CDK8: variants seen among roughly 807,000 people sequenced by gnomAD.
CDK8 encodes cyclin dependent kinase 8.
CDK8 carries 29 observed loss-of-function variants against 71.5 expected under a neutral mutation model. The ratio of observed to expected loss-of-function variants is 0.41; its 90% confidence interval spans 0.30 to 0.55. CDK8 has a LOEUF of 0.55. CDK8 is among the 20% of genes least tolerant of loss of function. The pLI is 0.37. For missense variants in CDK8, 288 were observed against 572.6 expected, an observed-to-expected ratio of 0.50 and a Z score of 5.07; for synonymous variants, 161 against 192.1, an observed-to-expected ratio of 0.84 and a Z score of 1.34.
intron 1 of CDK8, among the ~76,000 whole-genome samples, chr13:26,306,667 C>T (rs534109585): frequency 6.3e-5 from 9 of 143,118 alleles, no homozygotes; most frequent in African/African-American, 2.1e-4. Flanking sequence ...CTCATTCTGT[C>T]GCCCAGGCTG....
chr13:26,283,066 A>G (rs1212314671), intron 1 of CDK8, among the ~76,000 whole-genome samples: 1 of 152,220 alleles, frequency 6.6e-6, no homozygotes, highest in African/African-American at 2.4e-5. Flanking sequence ...AACAATTACT[A>G]CTAGACTTAA....
At chr13:26,397,035 G>A (rs1398152146) in intron 8 of CDK8, 118 bp from the exon 9 acceptor site, 1 of 661,600 alleles carries the variant, frequency 1.5e-6, no homozygotes, top group Non-Finnish European at 2.7e-6. Context: ...TGCTCATAGT[G>A]TTTTCAATAT....
chr13:26,275,277 A>G (rs1872519954), intron 1 of CDK8, among the ~76,000 whole-genome samples: 1 of 152,216 alleles, frequency 6.6e-6, no homozygotes, highest in Non-Finnish European at 1.5e-5. Context: ...ATTCCAGGTA[A>G]GCTCTAAAAT....
At chr13:26,276,147 A>G (rs745569600) in intron 1 of CDK8, among the ~76,000 whole-genome samples, 2 of 152,274 alleles carry the variant, frequency 1.3e-5, no homozygotes, top group African/African-American at 2.4e-5. Context: ...AGGCGTGAGT[A>G]ACCGGCTGTA....
At chr13:26,320,756 A>G (rs1204620358) in intron 1 of CDK8, among the ~76,000 whole-genome samples, 2 of 152,238 alleles carry the variant, frequency 1.3e-5, no homozygotes, top group East Asian at 3.8e-4. Context: ...ACAAATGGCT[A>G]AGAAGTACAT....
chr13:26,301,815 C>T (rs1373766889), intron 1 of CDK8, among the ~76,000 whole-genome samples: 3 of 152,134 alleles, frequency 2.0e-5, no homozygotes, highest in Admixed American at 6.5e-5. Context: ...AGACTCCTTG[C>T]TCTGGAAATT....
At chr13:26,333,678 G>A (rs1195941856) in intron 1 of CDK8, among the ~76,000 whole-genome samples, 1 of 152,120 alleles carries the variant, frequency 6.6e-6, no homozygotes, top group Admixed American at 6.5e-5. Flanking sequence ...TGTATATGGT[G>A]TATATGAAAC....
At chr13:26,308,367 T>C (rs1364513857) in intron 1 of CDK8, among the ~76,000 whole-genome samples, 1 of 152,206 alleles carries the variant, frequency 6.6e-6, no homozygotes, top group Non-Finnish European at 1.5e-5. Flanking sequence ...CACATGTGCA[T>C]CTTTGACCCT....
intron 1 of CDK8, among the ~76,000 whole-genome samples, chr13:26,264,820 C>G (rs1203769335): frequency 1.3e-5 from 2 of 152,172 alleles, no homozygotes; most frequent in Admixed American, 1.3e-4. Context: ...TGAATGAGAA[C>G]ATATGATATT....
chr13:26,393,229 G>T (rs1385473169), intron 6 of CDK8, 138 bp from the exon 7 acceptor site: 4 of 577,628 alleles, frequency 6.9e-6, no homozygotes, highest in Non-Finnish European at 1.2e-5. Flanking sequence ...TGAGTTATTA[G>T]GGAAAGAAAG....
At chr13:26,390,369 A>G (rs74042647) in intron 6 of CDK8, among the ~76,000 whole-genome samples, 1 of 152,158 alleles carries the variant, frequency 6.6e-6, no homozygotes, top group Non-Finnish European at 1.5e-5. Flanking sequence ...CATATGCCCC[A>G]TCTACTACAA....
chr13:26,296,317 A>G (rs931853883), intron 1 of CDK8, among the ~76,000 whole-genome samples: 13 of 152,192 alleles, frequency 8.5e-5, no homozygotes, highest in African/African-American at 2.2e-4. Context: ...TGGTTTCACA[A>G]ACCTTTTGGA....
chr13:26,387,157 T>A (rs1183506216), intron 6 of CDK8, among the ~76,000 whole-genome samples: 1 of 152,224 alleles, frequency 6.6e-6, no homozygotes, highest in East Asian at 1.9e-4. Context: ...GTATCTTGTA[T>A]TTTTTAATAG....
intron 1 of CDK8, among the ~76,000 whole-genome samples, chr13:26,299,951 T>C (rs1873749447): frequency 6.6e-6 from 1 of 152,174 alleles, no homozygotes; most frequent in Admixed American, 6.5e-5. Flanking sequence ...TAAAAACTAT[T>C]CTTAGCTCAT....
chr13:26,329,936 T>C (rs1269239630), intron 1 of CDK8, among the ~76,000 whole-genome samples: 1 of 152,224 alleles, frequency 6.6e-6, no homozygotes, highest in Non-Finnish European at 1.5e-5. Context: ...CTTTCCATGC[T>C]TCTGTAGTTT....
chr13:26,284,459 A>G (rs1483223418), intron 1 of CDK8, among the ~76,000 whole-genome samples: 1 of 152,242 alleles, frequency 6.6e-6, no homozygotes, highest in Non-Finnish European at 1.5e-5. Context: ...AAATACTACA[A>G]CTGATACCAC....
chr13:26,298,125 G>T (rs147984347), intron 1 of CDK8, among the ~76,000 whole-genome samples: 13 of 152,198 alleles, frequency 8.5e-5, no homozygotes, highest in African/African-American at 3.1e-4. Context: ...TGGAGTTTAG[G>T]ATTTCAGCAC....
At chr13:26,337,103 A>T (rs936528498) in intron 1 of CDK8, among the ~76,000 whole-genome samples, 3 of 152,152 alleles carry the variant, frequency 2.0e-5, no homozygotes, top group Non-Finnish European at 4.4e-5. Flanking sequence ...TTTGGAGATG[A>T]CCTAAATTAT....
intron 1 of CDK8, among the ~76,000 whole-genome samples, chr13:26,323,867 C>CT (rs1456330785): frequency 1.3e-5 from 2 of 152,066 alleles, no homozygotes; most frequent in Non-Finnish European, 2.9e-5. Context: ...AAAGATGGTA[C>CT]TTTTTGCAGC....
Sources: allele counts gnomAD v4.1 joint callset (sites outside exome capture counted in the v4.1 genomes callset), GRCh38; gene constraint gnomAD v4.1.1; transcripts MANE v1.5; gene names NCBI Gene and HGNC (gene_info 2026-07-23, HGNC 2026-07-21).